Variants in KLK15 observed in about 807,000 individuals in gnomAD.
KLK15 encodes kallikrein related peptidase 15.
In KLK15, 19 loss-of-function variants were observed where a neutral mutation model predicts 21.1. That is an observed-to-expected ratio of 0.90 (90% CI 0.63 to 1.32). The LOEUF (loss-of-function observed/expected upper bound fraction) is 1.32, where lower values mean the gene tolerates loss of function less well. Ranked by LOEUF, KLK15 falls within the 40% of genes most tolerant of loss-of-function variation. The pLI, the probability that KLK15 is intolerant of heterozygous loss-of-function variation, is 0.00. For synonymous variants in KLK15, 141 were observed against 141.5 expected (o/e 1.00, Z 0.03); for missense variants, 345 against 348.6 (o/e 0.99, Z 0.08).
rs185877613 is a variant in KLK15, at chr19:50,829,562, C to T, written c.44-1747G>A. ...TCCCAGCACTTTGGGAGGCCAAGGC[C>T]GAGGTGGGTGGATCACCTGAGGTCA... is the stretch of plus-strand genomic sequence containing the variant. On this transcript the variant is annotated intron_variant, in intron 1 of 4. Transcript: ENST00000598239. Among the ~76,000 whole-genome samples the T allele has an allele frequency of 9.9e-5, 15 of 151,682 alleles. 1 individual carries two copies. The highest frequency in any genetic ancestry group is 9.6e-4 in the East Asian group (5 of 5,184).
chr19:50,828,830 A>G (rs938258855), intron 1 of KLK15, among the ~76,000 whole-genome samples: 1 of 151,236 alleles, frequency 6.6e-6, no homozygotes, highest in African/African-American at 2.4e-5. Flanking sequence ...TTAGCTGGGC[A>G]TGGTGGCGGG....
intron 1 of KLK15, among the ~76,000 whole-genome samples, chr19:50,828,969 C>CAAAAAAAAA (rs3078002): frequency 8.8e-5 from 5 of 56,644 alleles, no homozygotes; most frequent in African/African-American, 1.5e-4. Flanking sequence ...AACTCCATCT[C>CAAAAAAAAA]AAAAAAAAAA....
intron 1 of KLK15, among the ~76,000 whole-genome samples, chr19:50,829,671 T>G (rs1371292784): frequency 6.6e-6 from 1 of 151,620 alleles, no homozygotes; most frequent in Admixed American, 6.6e-5. Context: ...AATACAAAAA[T>G]CAGCTGGGCG....
At chr19:50,830,769 C>T (rs951734372) in intron 1 of KLK15, among the ~76,000 whole-genome samples, 3 of 152,220 alleles carry the variant, frequency 2.0e-5, no homozygotes, top group African/African-American at 4.8e-5. Flanking sequence ...CCAAGGTGAC[C>T]TTGATGTTGT....
chr19:50,826,468 C>T (rs1424637631), intron 4 of KLK15, 153 bp downstream of exon 5: 1 of 886,866 alleles, frequency 1.1e-6, no homozygotes, highest in Non-Finnish European at 1.7e-6. Flanking sequence ...CAACTCCAAC[C>T]TCACCCCTAT....
At chr19:50,832,445 C>T (rs762945463), upstream of KLK15, among the ~76,000 whole-genome samples, 1 of 151,304 alleles carries the variant, frequency 6.6e-6, no homozygotes, top group Non-Finnish European at 1.5e-5. Flanking sequence ...GCCTCAGCCT[C>T]CCAAGCAATT....
chr19:50,829,831 A>AAC (rs2089951725), intron 1 of KLK15, among the ~76,000 whole-genome samples: 1 of 151,590 alleles, frequency 6.6e-6, no homozygotes, highest in Admixed American at 6.6e-5. Flanking sequence ...AAAACCAAAC[A>AAC]AACAAAAAAA....
At chr19:50,826,351 C>T (rs1213414167) in intron 4 of KLK15, 6 of 471,198 alleles carry the variant, frequency 1.3e-5, no homozygotes, top group Non-Finnish European at 2.2e-5. Context: ...ACGTATTTCC[C>T]ACCCAGAATC....
rs1181691630 is a variant in KLK15 at position 50,826,207 on chromosome 19, T to C, written c.619-259A>G. ...CCATGCAACTCCAGTGCAACTGTAC[T>C]AAGTTAAATCCAACTCAGCCCACAT... On this transcript the variant is annotated intron_variant, in intron 4 of 4. Coordinates refer to ENST00000598239, the Ensembl canonical transcript of KLK15. The C allele has an allele frequency of 4.2e-5, 21 of 498,344 alleles. No individual in the cohort carries two copies. The East Asian group carries it at 6.8e-4, about 16-fold the overall frequency. 30.9% of individuals were successfully genotyped at this position (498,344 alleles called of 1,614,324 possible). A position where few individuals can be genotyped will look rare whatever the true frequency, so the allele number is the denominator to read the frequency against.
chr19:50,831,433 T>G lies in KLK15; in HGVS notation c.43+17A>C, dbSNP rs370631272. Reference sequence around the variant, plus strand: ...ACCTGCTCCCACAGACCTGGCCCCCTCCTGGGGCCACCTCACCTGTGGATG... The same window carrying G: ...ACCTGCTCCCACAGACCTGGCCCCCGCCTGGGGCCACCTCACCTGTGGATG... On this transcript the variant is annotated intron_variant, in intron 1 of 4. Coordinates refer to ENST00000598239, the Ensembl canonical transcript of KLK15. The G allele has an allele frequency of 6.0e-5, 85 of 1,417,434 alleles. 1 individual carries two copies. The highest frequency in any genetic ancestry group is 2.3e-5 in the Non-Finnish European group (25 of 1,087,188). The allele number at this position is 1,417,434 out of a possible 1,614,324, so 87.8% of individuals were successfully genotyped here.
At chr19:50,832,781 GC>G (rs1231195663), upstream of KLK15, among the ~76,000 whole-genome samples, 3 of 152,024 alleles carry the variant, frequency 2.0e-5, no homozygotes, top group Non-Finnish European at 4.4e-5. Context: ...TTCCCTTCCA[GC>G]CCCGCTTCCT....
chr19:50,826,987 G>A, exon 3 of KLK15: 4 of 1,606,238 alleles, frequency 2.5e-6, no homozygotes, highest in Non-Finnish European at 3.4e-6. Flanking sequence ...GTAGCACCGC[G>A]GGGCGCACCT....
upstream of KLK15, chr19:50,831,628 G>T: frequency 1.6e-6 from 1 of 623,568 alleles, no homozygotes; most frequent in Non-Finnish European, 2.5e-6. Flanking sequence ...AATTTCTTCT[G>T]ACCACCGGTA....
At chr19:50,831,710 G>A (rs948948443), upstream of KLK15, among the ~76,000 whole-genome samples, 1 of 152,036 alleles carries the variant, frequency 6.6e-6, no homozygotes. Context: ...TCTTCCTCTA[G>A]GCACTCGGAC....
intron 1 of KLK15, chr19:50,831,008 T>A (rs1252556958): frequency 1.3e-5 from 2 of 154,148 alleles, no homozygotes; most frequent in African/African-American, 4.8e-5. Flanking sequence ...CTGGAGTCTG[T>A]CTGTGCTGTT....
intron 1 of KLK15, among the ~76,000 whole-genome samples, chr19:50,829,822 A>AC (rs2089951375): frequency 6.6e-6 from 1 of 151,746 alleles, no homozygotes; most frequent in Admixed American, 6.6e-5. Context: ...GTCTCAAAAA[A>AC]AACCAAACAA....
rs774491411 is a variant in KLK15 at position 50,827,653 on chromosome 19, C to G, written c.197+9G>C. 10 of 1,609,956 alleles carry G rather than the reference C, an allele frequency of 6.2e-6. No individual in the cohort carries two copies. In the East Asian group the frequency reaches 1.8e-4, roughly 29 times the overall value. ...GCTCCCTCAGGACCCTGAGCCCCTG[C>G]CTTCATACCGGCTTTGGCAGTGGGC... On this transcript the variant is annotated intron_variant, in intron 2 of 4. Transcript: ENST00000598239.
At chr19:50,829,682 T>C (rs1171865530) in intron 1 of KLK15, among the ~76,000 whole-genome samples, 1 of 151,492 alleles carries the variant, frequency 6.6e-6, no homozygotes, top group African/African-American at 2.4e-5. Context: ...CAGCTGGGCG[T>C]GGTGGTGCGT....
At chr19:50,831,544 T>G, upstream of KLK15, 16 of 1,399,368 alleles carry the variant, frequency 1.1e-5, no homozygotes, top group Non-Finnish European at 1.4e-5. Context: ...AGTGAGAGAA[T>G]CCAGGTGAGG....
Sources: gnomAD v4.1 joint callset for allele counts (sites outside exome capture counted in the v4.1 genomes callset) on GRCh38, gnomAD v4.1.1 for gene constraint, MANE v1.5 for transcripts, NCBI Gene and HGNC (gene_info 2026-07-23, HGNC 2026-07-21) for gene names.